The following CREB5 variants were observed in gnomAD, a reference collection of about 807,000 sequenced individuals.
CREB5 encodes cyclic AMP-responsive element-binding protein 5.
CREB5 carries 19 observed loss-of-function variants against 57.1 expected under a neutral mutation model. The ratio of observed to expected loss-of-function variants is 0.33; its 90% CI spans 0.23 to 0.49. The LOEUF is 0.49. CREB5 is among the 20% of genes least tolerant of loss of function. The pLI is 0.99. For missense variants in CREB5, 579 were observed against 671.6 expected (o/e 0.86, Z 1.52); for synonymous variants, 238 against 238.3 (o/e 1.00, Z 0.01).
chr7:28,531,427 T>G (rs997577868), intron 4 of CREB5, among the ~76,000 whole-genome samples: 4 of 152,166 alleles, frequency 2.6e-5, no homozygotes, highest in African/African-American at 9.7e-5. Flanking sequence ...TCCACCTTCA[T>G]GTTCATATGG....
In CREB5 at chr7:28,823,497, A is replaced by T. The variant is rs547820426; in HGVS notation, c.*4218A>T. ...GGCTATTCTCCATCATTTGGTGGAA[A>T]TGTTTGCTTAGATCTCTGTGCATAG... On this transcript the variant is annotated 3_prime_UTR_variant, in exon 11 of 11. Coordinates refer to ENST00000357727, the MANE Select transcript of CREB5 (RefSeq NM_182898.4). 6.5e-6 allele frequency: 1 copy of T among 152,718 alleles called. No homozygotes were observed. The highest frequency in any genetic ancestry group is 1.9e-4 in the East Asian group (1 of 5,188). The allele number at this position is 152,718 out of a possible 1,614,324, so 9.5% of individuals were successfully genotyped here. A position where few individuals can be genotyped will look rare whatever the true frequency, so the allele number is the denominator to read the frequency against.
intron 5 of CREB5, among the ~76,000 whole-genome samples, chr7:28,675,458 AT>A (rs1354127982): frequency 6.6e-6 from 1 of 152,112 alleles, no homozygotes; most frequent in East Asian, 1.9e-4. Flanking sequence ...AATAAGGAAA[AT>A]TTGTCTTCCT....
intron 5 of CREB5, among the ~76,000 whole-genome samples, chr7:28,610,345 C>T (rs1246956493): frequency 6.6e-6 from 1 of 152,070 alleles, no homozygotes; most frequent in Admixed American, 6.6e-5. Flanking sequence ...GGCTTAGTGA[C>T]CACAATTCAA....
intron 1 of CREB5, among the ~76,000 whole-genome samples, chr7:28,454,778 T>C (rs177573): frequency 0.27 from 40,926 of 152,018 alleles, 5,609 homozygotes; most frequent in East Asian, 0.36. Flanking sequence ...AAGGACTGAG[T>C]TGAGTTGGTA....
chr7:28,537,853 T>C (rs769293230), intron 4 of CREB5, among the ~76,000 whole-genome samples: 1 of 152,190 alleles, frequency 6.6e-6, no homozygotes, highest in Non-Finnish European at 1.5e-5. Flanking sequence ...ACCGTTTGGG[T>C]TTCTACCCAC....
intron 5 of CREB5, among the ~76,000 whole-genome samples, chr7:28,662,058 C>G (rs1418326723): frequency 6.6e-6 from 1 of 152,066 alleles, no homozygotes. Flanking sequence ...GGTGCTTGCC[C>G]CAAAGTGAAC....
chr7:28,754,799 C>T (rs980646969), intron 7 of CREB5, among the ~76,000 whole-genome samples: 2 of 152,124 alleles, frequency 1.3e-5, no homozygotes, highest in South Asian at 4.1e-4. Context: ...CCTTTATTCT[C>T]CAGTCAGCAT....
At chr7:28,684,570 G>GAT in intron 5 of CREB5, among the ~76,000 whole-genome samples, 1 of 152,152 alleles carries the variant, frequency 6.6e-6, no homozygotes, top group African/African-American at 2.4e-5. Flanking sequence ...CTCCATCAGT[G>GAT]GACGTCTTTA....
intron 1 of CREB5, among the ~76,000 whole-genome samples, chr7:28,316,663 C>G (rs975648117): frequency 5.3e-5 from 8 of 152,184 alleles, no homozygotes; most frequent in Non-Finnish European, 1.0e-4. Context: ...ATTTACTCAA[C>G]TAGGGCATTT....
At chr7:28,395,079 T>A (rs966010319) in intron 1 of CREB5, among the ~76,000 whole-genome samples, 2 of 152,176 alleles carry the variant, frequency 1.3e-5, no homozygotes, top group Admixed American at 1.3e-4. Context: ...ATTTAGGGTT[T>A]TAAAATTTTA....
intron 3 of CREB5, among the ~76,000 whole-genome samples, chr7:28,505,750 C>T (rs555297064): frequency 6.6e-6 from 1 of 152,222 alleles, no homozygotes; most frequent in African/African-American, 2.4e-5. Context: ...AAAATAGTAT[C>T]GACTCTTGTT....
intron 5 of CREB5, among the ~76,000 whole-genome samples, chr7:28,649,791 T>C (rs911590271): frequency 2.6e-5 from 4 of 152,204 alleles, no homozygotes; most frequent in African/African-American, 7.2e-5. Flanking sequence ...CATGGATGAA[T>C]GAATAAATAA....
intron 5 of CREB5, among the ~76,000 whole-genome samples, chr7:28,621,080 A>G (rs887017947): frequency 1.5e-4 from 23 of 152,002 alleles, no homozygotes; most frequent in Middle Eastern, 3.4e-3. Context: ...GGCCATCAGA[A>G]CCAAGTGGCC....
intron 1 of CREB5, among the ~76,000 whole-genome samples, chr7:28,483,578 A>G (rs1791428018): frequency 6.6e-6 from 1 of 152,180 alleles, no homozygotes; most frequent in African/African-American, 2.4e-5. Context: ...TTTAGAAAAT[A>G]TTAAATGATG....
chr7:28,446,926 A>T (rs543132548), intron 1 of CREB5, among the ~76,000 whole-genome samples: 8 of 152,204 alleles, frequency 5.3e-5, no homozygotes, highest in Non-Finnish European at 1.0e-4. Flanking sequence ...CTCCTCTACT[A>T]AGCCAAGAGC....
intron 4 of CREB5, among the ~76,000 whole-genome samples, chr7:28,560,905 C>CGTGTGTGTGTGTGT (rs1213126401): frequency 0.021 from 276 of 13,450 alleles, 10 homozygotes; most frequent in Admixed American, 0.025. Flanking sequence ...TGCGTGCGCG[C>CGTGTGTGTGTGTGT]GTGCGTGTGC....
intron 5 of CREB5, among the ~76,000 whole-genome samples, chr7:28,706,592 C>G (rs1346528446): frequency 6.6e-6 from 1 of 152,104 alleles, no homozygotes; most frequent in Non-Finnish European, 1.5e-5. Context: ...CATTTGAGAT[C>G]CTTGAATGCA....
chr7:28,686,901 TTCTCTC>T (rs142387642), intron 5 of CREB5, among the ~76,000 whole-genome samples: 1 of 152,112 alleles, frequency 6.6e-6, no homozygotes, highest in African/African-American at 2.4e-5. Flanking sequence ...TCTGCCAGGA[TTCTCTC>T]TCTCTGTTTT....
chr7:28,541,662 A>AAAAC (rs148596840), intron 4 of CREB5, among the ~76,000 whole-genome samples: 3 of 152,172 alleles, frequency 2.0e-5, no homozygotes, highest in East Asian at 1.9e-4. Flanking sequence ...CCCATCACAA[A>AAAAC]AAACAAACAA....
Sources: allele counts gnomAD v4.1 joint callset (sites outside exome capture counted in the v4.1 genomes callset), GRCh38; gene constraint gnomAD v4.1.1; transcripts MANE v1.5; gene names NCBI Gene and HGNC (gene_info 2026-07-23, HGNC 2026-07-21).